DENND1C: variants seen among roughly 807,000 people sequenced by gnomAD.
DENND1C encodes DENN domain containing 1C, also known as DENN domain-containing protein 1C.
Under a neutral mutation model 87.9 loss-of-function variants are expected in DENND1C, and 64 were observed. The observed-to-expected ratio is 0.73, with a 90% CI of 0.60 to 0.90. The LOEUF (loss-of-function observed/expected upper bound fraction) is 0.90, where lower values mean the gene tolerates loss of function less well. DENND1C is among the 40% of genes least tolerant of loss of function. DENND1C has a pLI of 0.00. For synonymous variants in DENND1C, 384 were observed against 424.4 expected (o/e 0.90, Z 1.17); for missense variants, 980 against 1,037.0 (o/e 0.95, Z 0.76).
chr19:6,475,035 C>CA (rs1046650643), intron 14 of DENND1C, among the ~76,000 whole-genome samples: 4 of 138,806 alleles, frequency 2.9e-5, no homozygotes, highest in African/African-American at 1.1e-4. Flanking sequence ...AACTCTGTCT[C>CA]AAAAACAAAC....
Position 6,477,245 on chromosome 19 carries a change from G to T in DENND1C, c.486C>A (p.Pro162=), listed in dbSNP as rs348398. The change falls in exon 8 of 23, where the codon CCC becomes CCA. Residue 162 remains proline, a synonymous_variant. Coordinates refer to ENST00000381480, the MANE Select transcript of DENND1C (RefSeq NM_024898.4). ...GCTTGCTATTCCCCCGGGTAGGGGG[G>T]GGGATACCCTGCCCGCTGGAGACCG... is the stretch of plus-strand genomic sequence containing the variant. ...GVTVSSGQGI[P]PPTRGNSKPL... The T allele has an allele frequency of 0.69, 1,093,087 of 1,579,542 alleles. 383,161 individuals carry two copies. Among genetic ancestry groups the T allele is most frequent in the African/African-American group, 0.77 (56,998 of 73,740 alleles).
chr19:6,475,739 G>C lies in DENND1C; in HGVS notation c.792C>G (p.Pro264=). Residue 264 remains proline (P), a synonymous_variant, in exon 12 of 23, where the codon CCC becomes CCG. Transcript: ENST00000381480. ...GACTGGCGTGCACTCCAATGAGGTA[G>C]GGCATGGGCGCGCTGCGGACCGAGG... ...HLLDYCCAPM[P]YLIGVHASLA... is the part of the protein sequence containing the mutation. The C allele has an allele frequency of 6.4e-7, 1 of 1,571,616 alleles. No individual in the cohort carries two copies. Among genetic ancestry groups the C allele is most frequent in the Non-Finnish European group, 8.6e-7 (1 of 1,157,638 alleles).
intron 6 of DENND1C, 170 bp from the exon 7 acceptor site, chr19:6,477,628 T>TAATAATAATAAG (rs1568400368): frequency 4.5e-6 from 1 of 224,540 alleles, no homozygotes; most frequent in Non-Finnish European, 8.4e-6. Flanking sequence ...ATAATAATAA[T>TAATAATAATAAG]AATAGAGACA....
intron 10 of DENND1C, 77 bp from the exon 11 acceptor site, chr19:6,476,014 G>A (rs149835153): frequency 1.5e-5 from 19 of 1,293,194 alleles, no homozygotes; most frequent in East Asian, 2.6e-5. Flanking sequence ...CATTTCCCAC[G>A]TCCCCAGTCT....
Position 6,471,935 on chromosome 19 carries a change from C to G in DENND1C, c.1159-439G>C, listed in dbSNP as rs187670589. On this transcript the variant is annotated intron_variant, in intron 15 of 22. Coordinates refer to ENST00000381480, the MANE Select transcript of DENND1C (RefSeq NM_024898.4). ...TGGGATTACAGGCGTAAGCCACTGT[C>G]CCCGGCCCGGAGCCCACTTTAGAAA... Among the ~76,000 whole-genome samples, 475 of 152,270 alleles carry G rather than the reference C, an allele frequency of 3.1e-3. 3 individuals are homozygous for G. Among genetic ancestry groups the G allele is most frequent in the South Asian group, 6.0e-3 (29 of 4,824 alleles).
chr19:6,472,232 A>G (rs2092833703), intron 15 of DENND1C, among the ~76,000 whole-genome samples: 1 of 129,254 alleles, frequency 7.7e-6, no homozygotes, highest in African/African-American at 3.0e-5. Flanking sequence ...CACAGTCAGG[A>G]CCCATCCCCT....
chr19:6,480,551 C>T (rs1913490763), intron 1 of DENND1C: 2 of 250,240 alleles, frequency 8.0e-6, no homozygotes. Context: ...CCTATCCATC[C>T]ACCCACCCAC....
chr19:6,478,146 C>T lies in DENND1C; in HGVS notation c.366+637G>A, dbSNP rs773198485. 1.1e-4 allele frequency among the ~76,000 whole-genome samples: 17 copies of T among 152,188 alleles called. 1 individual carries two copies. Among genetic ancestry groups the T allele is most frequent in the Non-Finnish European group, 2.5e-4 (17 of 68,034 alleles). On this transcript the variant is annotated intron_variant, in intron 6 of 22. Transcript: ENST00000381480. ...CTGGAGTGCAGTGCTGCGATCATAG[C>T]TCACTATAGCTTCGAACTCCTGGGC...
At chr19:6,469,047 T>A in intron 19 of DENND1C, 94 bp from the exon 20 acceptor site, 1 of 733,966 alleles carries the variant, frequency 1.4e-6, no homozygotes, top group Non-Finnish European at 1.9e-6. Flanking sequence ...TTTTTTTTGT[T>A]TGAAATGAAG....
chr19:6,475,195 C>T, intron 14 of DENND1C, 79 bp downstream of exon 14: 1 of 1,595,866 alleles, frequency 6.3e-7, no homozygotes. Flanking sequence ...CTGCGTCCGG[C>T]CATCTACTGT....
intron 6 of DENND1C, 44 bp downstream of exon 6, chr19:6,478,739 G>C: frequency 6.3e-7 from 1 of 1,578,930 alleles, no homozygotes; most frequent in Non-Finnish European, 8.6e-7. Context: ...TGAGGGGGGT[G>C]GGGGCTGGGA....
At position 6,478,921 on chromosome 19, in the gene DENND1C, C is replaced by A. The variant is rs1392117880; in HGVS notation, c.296+16G>T. On this transcript the variant is annotated intron_variant, in intron 5 of 22. Coordinates refer to ENST00000381480, the MANE Select transcript of DENND1C (RefSeq NM_024898.4). ...CGGCCTTTCCCATCCCCCCCTCCAA[C>A]CCCCATATCCCGCACCTGAGGATGC... is the stretch of plus-strand genomic sequence containing the variant. The A allele has an allele frequency of 2.5e-6, 4 of 1,613,808 alleles. No homozygotes were observed. The African/African-American group carries it at 4.0e-5, about 16-fold the overall frequency.
intron 3 of DENND1C, 58 bp from the exon 4 acceptor site, chr19:6,479,776 G>A: frequency 6.2e-7 from 1 of 1,613,854 alleles, no homozygotes; most frequent in South Asian, 1.1e-5. Context: ...CCACCTCCCT[G>A]GGCTCCAGGT....
Position 6,478,818 on chromosome 19 carries a change from A to G in DENND1C, c.331T>C (p.Leu111=). 1 of 1,613,600 alleles carries G rather than the reference A, an allele frequency of 6.2e-7. No individual in the cohort carries two copies. The highest frequency in any genetic ancestry group is 8.5e-7 in the Non-Finnish European group (1 of 1,179,748). ...GCTAGGAGGTCTCCCACTGTGTTCA[A>G]TAGCTTGTAAAACACCTCGAACCAA... ...LPWFEVFYKL[L]NTVGDLLAQD... is the part of the protein sequence containing the mutation. Residue 111 remains leucine (L), a synonymous_variant, in exon 6 of 23, where the codon TTG becomes CTG. Transcript: ENST00000381480.
chr19:6,480,606 CT>C, intron 1 of DENND1C: 1 of 383,342 alleles, frequency 2.6e-6, no homozygotes, highest in South Asian at 1.1e-4. Context: ...ATCTATCTAT[CT>C]ATCTATCTAT....
chr19:6,469,240 G>A (rs916051054), intron 19 of DENND1C, among the ~76,000 whole-genome samples: 5 of 151,968 alleles, frequency 3.3e-5, no homozygotes, highest in African/African-American at 9.6e-5. Flanking sequence ...CATGTTGGTC[G>A]GGCTGGTCTA....
At chr19:6,471,234 C>T (rs762643747) in intron 17 of DENND1C, 31 bp downstream of exon 17, 33 of 1,565,240 alleles carry the variant, frequency 2.1e-5, no homozygotes, top group African/African-American at 4.1e-5. Context: ...CCTAAGCCAA[C>T]GCCCACGGCC....
At chr19:6,480,138 G>T in intron 1 of DENND1C, 87 bp from the exon 2 acceptor site, 5 of 1,538,444 alleles carry the variant, frequency 3.3e-6, no homozygotes, top group Non-Finnish European at 4.4e-6. Flanking sequence ...GGTTGTGTGT[G>T]CATGTGCCAC....
intron 6 of DENND1C, among the ~76,000 whole-genome samples, chr19:6,478,081 A>AT (rs1052908925): frequency 1.6e-4 from 24 of 151,496 alleles, no homozygotes; most frequent in Non-Finnish European, 1.6e-4. Context: ...TCTAAAAGAA[A>AT]TTTTTTTTCT....
Sources: allele counts gnomAD v4.1 joint callset (sites outside exome capture counted in the v4.1 genomes callset), GRCh38; gene constraint gnomAD v4.1.1; transcripts MANE v1.5; gene names NCBI Gene and HGNC (gene_info 2026-07-23, HGNC 2026-07-21).